LECT2: variants seen among roughly 807,000 people sequenced by gnomAD.
LECT2 encodes the protein leukocyte cell derived chemotaxin 2, also known as leukocyte cell-derived chemotaxin-2.
LECT2 carries 11 observed loss-of-function variants against 16.6 expected under a neutral mutation model. The observed-to-expected ratio is 0.66, with a 90% CI of 0.42 to 1.09. The LOEUF (loss-of-function observed/expected upper bound fraction) is 1.09, where lower values mean the gene tolerates loss of function less well. Among genes scored for constraint, LECT2 ranks in the 50% least tolerant of loss-of-function variants. The probability of loss-of-function intolerance (pLI) is 0.00; values close to 1 mark genes in which losing one functional copy is unlikely to be tolerated. For synonymous variants in LECT2, 54 were observed against 64.8 expected, an observed-to-expected ratio of 0.83 and a Z score of 0.80; for missense variants, 173 against 184.2, an observed-to-expected ratio of 0.94 and a Z score of 0.35.
intron 3 of LECT2, among the ~76,000 whole-genome samples, chr5:135,948,035 T>C (rs1357747375): frequency 2.0e-5 from 3 of 152,172 alleles, no homozygotes; most frequent in Non-Finnish European, 4.4e-5. Flanking sequence ...AATTGAATGC[T>C]GTATGGAATA....
At chr5:135,953,403 T>A (rs777777657) in intron 1 of LECT2, among the ~76,000 whole-genome samples, 1 of 152,104 alleles carries the variant, frequency 6.6e-6, no homozygotes, top group African/African-American at 2.4e-5. Flanking sequence ...AGTTTCACCA[T>A]GTTGGTCAGG....
At chr5:135,949,459 A>G (rs1233459052) in intron 3 of LECT2, among the ~76,000 whole-genome samples, 1 of 152,176 alleles carries the variant, frequency 6.6e-6, no homozygotes, top group Non-Finnish European at 1.5e-5. Context: ...TATATTTACC[A>G]CCTGACTCTA....
At chr5:135,949,317 C>G (rs1763759141) in intron 3 of LECT2, among the ~76,000 whole-genome samples, 1 of 152,186 alleles carries the variant, frequency 6.6e-6, no homozygotes, top group Non-Finnish European at 1.5e-5. Context: ...TGCAAATAAC[C>G]AAGAATTGCC....
At chr5:135,952,155 AC>A (rs1415443674) in intron 2 of LECT2, among the ~76,000 whole-genome samples, 1 of 152,232 alleles carries the variant, frequency 6.6e-6, no homozygotes, top group Non-Finnish European at 1.5e-5. Context: ...AATTCAAGGG[AC>A]GTTTCCCATA....
chr5:135,950,069 C>T (rs905372517), intron 3 of LECT2, among the ~76,000 whole-genome samples: 1 of 152,170 alleles, frequency 6.6e-6, no homozygotes, highest in Non-Finnish European at 1.5e-5. Context: ...TGGGTTCGCT[C>T]AAAAGATGCC....
At chr5:135,954,609 C>A (rs543742730) in intron 1 of LECT2, among the ~76,000 whole-genome samples, 179 bp downstream of exon 1, 22 of 152,144 alleles carry the variant, frequency 1.4e-4, no homozygotes, top group Admixed American at 5.9e-4. Context: ...CGGAACATTC[C>A]ATTTAAATTA....
At chr5:135,948,753 C>T (rs765265326) in intron 3 of LECT2, among the ~76,000 whole-genome samples, 6 of 151,578 alleles carry the variant, frequency 4.0e-5, no homozygotes, top group Non-Finnish European at 7.4e-5. Context: ...CGGCTCACTG[C>T]AGGCTCCGCC....
At chr5:135,953,019 C>G (rs755120125) in intron 1 of LECT2, 52 bp from the exon 2 acceptor site, 1 of 1,221,872 alleles carries the variant, frequency 8.2e-7, no homozygotes, top group Non-Finnish European at 1.2e-6. Context: ...CATTTCCTAT[C>G]CCCATTTGCC....
In LECT2 at chr5:135,947,269, G is replaced by T. The variant is rs567438552; in HGVS notation, c.*62C>A. The stretch of plus-strand genomic sequence containing the variant: ...TGAACACAAATTTCTTGAAGAGAAG[G>T]GTATGCATCCAGGTTTTTAAGATGA... On this transcript the variant is annotated 3_prime_UTR_variant, in exon 4 of 4. Transcript: ENST00000274507. The T allele has an allele frequency of 1.4e-4, 210 of 1,480,102 alleles. 1 individual carries two copies. In the South Asian group the frequency reaches 2.3e-3, roughly 17 times the overall value. The allele number at this position is 1,480,102 out of a possible 1,614,324, so 91.7% of individuals were successfully genotyped here.
intron 3 of LECT2, among the ~76,000 whole-genome samples, chr5:135,949,779 C>T (rs1297820710): frequency 6.6e-6 from 1 of 152,230 alleles, no homozygotes; most frequent in East Asian, 1.9e-4. Flanking sequence ...ATTGTGATGA[C>T]TGAAGTCAGC....
At chr5:135,954,677 A>C in intron 1 of LECT2, 111 bp downstream of exon 1, 2 of 745,770 alleles carry the variant, frequency 2.7e-6, no homozygotes, top group Non-Finnish European at 4.8e-6. Context: ...AGCCAAATAC[A>C]CAAGTCTTTG....
chr5:135,948,762 C>A (rs1204894386), intron 3 of LECT2, among the ~76,000 whole-genome samples: 7 of 151,676 alleles, frequency 4.6e-5, no homozygotes, highest in African/African-American at 1.7e-4. Flanking sequence ...GCAGGCTCCG[C>A]CTCCCGGGTT....
chr5:135,951,579 A>G, intron 2 of LECT2: 1 of 488,448 alleles, frequency 2.0e-6, no homozygotes, highest in Middle Eastern at 5.2e-4. Flanking sequence ...TAAAGATGAA[A>G]GCATTTAAAA....
At position 135,947,363 on chromosome 5, in the gene LECT2, AG is replaced by A. The variant is rs773869952; in HGVS notation, c.423del (p.Cys142ValfsTer56). ...TATGCAGTAGGGTCACTCGAGTCAC[AG>A]TTTTCAATGTGCACATGCGATTGTA... Reference protein sequence around the residue: ...PGIQSHVHIENCDSSDPTAYL With the variant: ...PGIQSHVHIEXCDSSDPTAYL On this transcript the variant is annotated frameshift_variant, in exon 4 of 4. Transcript: ENST00000274507. LOFTEE classifies it high-confidence loss of function. The A allele has an allele frequency of 6.2e-7, 1 of 1,614,016 alleles. No individual in the cohort carries two copies. Among genetic ancestry groups the A allele is most frequent in the South Asian group, 1.1e-5 (1 of 91,070 alleles).
intron 3 of LECT2, among the ~76,000 whole-genome samples, chr5:135,950,038 CTATG>C (rs1316051871): frequency 6.6e-6 from 1 of 152,206 alleles, no homozygotes; most frequent in East Asian, 1.9e-4. Flanking sequence ...AGGACAACCA[CTATG>C]TAGCTCCTCA....
At position 135,951,333 on chromosome 5, in the gene LECT2, CA is replaced by C. The variant is rs769215488; in HGVS notation, c.178del (p.Cys60AlafsTer14). On this transcript the variant is annotated frameshift_variant, in exon 3 of 4. Coordinates refer to ENST00000274507, the MANE Select transcript of LECT2 (RefSeq NM_002302.3). LOFTEE classifies it high-confidence loss of function. ...TGCGTACACAGTAGATCCAGCAGAGCACAAGATGTCCACACCCTGGTGAGGC... is the reference window on the plus strand; with the variant it reads ...TGCGTACACAGTAGATCCAGCAGAGCCAAGATGTCCACACCCTGGTGAGGC... ...QRPHQGVDIL[C>X]SAGSTVYAPF... 3.7e-5 allele frequency: 59 copies of C among 1,613,854 alleles called. 1 individual carries two copies. The Admixed American group carries it at 9.5e-4, about 26-fold the overall frequency.
chr5:135,950,140 A>G (rs1763769864), intron 3 of LECT2, among the ~76,000 whole-genome samples: 1 of 152,196 alleles, frequency 6.6e-6, no homozygotes, highest in South Asian at 2.1e-4. Flanking sequence ...ATGCATATAT[A>G]TGTTCATTAA....
At position 135,951,350 on chromosome 5, in the gene LECT2, C is replaced by A; in HGVS notation, c.162G>T (p.Gln54His). 1 of 1,613,520 alleles carries A rather than the reference C, an allele frequency of 6.2e-7. No individual in the cohort carries two copies. The highest frequency in any genetic ancestry group is 8.5e-7 in the Non-Finnish European group (1 of 1,179,604). The change falls in exon 3 of 4, where the codon CAG becomes CAT. Residue 54 changes from glutamine to histidine, a missense_variant. By Grantham distance (24) the Gln-to-His change is conservative. Transcript: ENST00000274507. The stretch of plus-strand genomic sequence containing the variant: ...CAGCAGAGCACAAGATGTCCACACC[C>A]TGGTGAGGCCTCTGACTTCTAGGAT... ...YSAQRSQRPH[Q>H]GVDILCSAGS...
Position 135,947,406 on chromosome 5 carries a change from C to G in LECT2, c.381G>C (p.Gln127His). The change falls in exon 4 of 4, where the codon CAG becomes CAC. Residue 127 changes from glutamine (Q) to histidine (H), a missense_variant. By Grantham distance (24) the Gln-to-His change is conservative. Coordinates refer to ENST00000274507, the MANE Select transcript of LECT2 (RefSeq NM_002302.3). ...GEKLGTLLPL[Q>H]KVYPGIQSHV... ...GCGATTGTATGCCAGGATAAACTTT[C>G]TGCAAGGGCAATAGAGTTCCAAGTT... 1 of 1,614,098 alleles carries G rather than the reference C, an allele frequency of 6.2e-7. No homozygotes were observed. The highest frequency in any genetic ancestry group is 8.5e-7 in the Non-Finnish European group (1 of 1,179,952).
Sources: allele counts gnomAD v4.1 joint callset (sites outside exome capture counted in the v4.1 genomes callset), GRCh38; gene constraint gnomAD v4.1.1; transcripts MANE v1.5; gene names NCBI Gene and HGNC (gene_info 2026-07-23, HGNC 2026-07-21).